IKZF4: variants seen among roughly 807,000 people sequenced by gnomAD.
The protein encoded by IKZF4 is IKAROS family zinc finger 4, also known as zinc finger protein Eos.
In IKZF4, 11 loss-of-function variants were observed where a neutral mutation model predicts 47.7. The observed-to-expected ratio is 0.23, with a 90% CI of 0.15 to 0.38. The LOEUF (loss-of-function observed/expected upper bound fraction) is 0.38. IKZF4 is among the 10% of genes least tolerant of loss of function. IKZF4 has a pLI of 1.00. For missense variants in IKZF4, 557 were observed against 784.9 expected (o/e 0.71, Z 3.47); for synonymous variants, 298 against 299.4 (o/e 1.00, Z 0.05).
intron 7 of IKZF4, 110 bp from the exon 8 acceptor site, chr12:56,034,461 T>C: frequency 8.9e-7 from 1 of 1,127,804 alleles, no homozygotes; most frequent in African/African-American, 1.5e-5. Context: ...AAATGCCACG[T>C]AGTAAATAAT....
intron 2 of IKZF4, among the ~76,000 whole-genome samples, chr12:56,015,516 C>T (rs1891919816): frequency 6.6e-6 from 1 of 152,068 alleles, no homozygotes; most frequent in Non-Finnish European, 1.5e-5. Context: ...GCCTCAGCCT[C>T]CCGAGTAGAT....
intron 2 of IKZF4, among the ~76,000 whole-genome samples, chr12:56,015,976 A>C (rs912478673): frequency 6.6e-6 from 1 of 152,162 alleles, no homozygotes; most frequent in African/African-American, 2.4e-5. Context: ...TGTCAAGAAA[A>C]GAGGGTTAAT....
chr12:56,020,880 G>C (rs1892782802), upstream of IKZF4: 1 of 971,496 alleles, frequency 1.0e-6, no homozygotes. Flanking sequence ...GTGGGGGAGG[G>C]GCTTTCTGCC....
At chr12:56,027,281 T>C (rs1317880332) in intron 4 of IKZF4, among the ~76,000 whole-genome samples, 1 of 152,154 alleles carries the variant, frequency 6.6e-6, no homozygotes, top group African/African-American at 2.4e-5. Context: ...CCTCAACCGC[T>C]GTTATAAAGA....
chr12:56,032,513 G>A (rs1895051759), intron 5 of IKZF4, 48 bp from the exon 6 acceptor site: 3 of 1,555,328 alleles, frequency 1.9e-6, no homozygotes, highest in African/African-American at 1.4e-5. Flanking sequence ...CAGAGCCAGG[G>A]CACAGCGAGA....
intron 5 of IKZF4, among the ~76,000 whole-genome samples, chr12:56,029,254 G>A (rs75975191): frequency 0.018 from 2,780 of 152,318 alleles, 38 homozygotes; most frequent in Non-Finnish European, 0.027. Context: ...CTGGGAAACT[G>A]GATTAACAAG....
chr12:56,021,242 C>T lies in IKZF4; in HGVS notation c.-252C>T. ...TTCTCTCCAGCCCCCTCCCCAAGCA[C>T]ATCCAAGCGTGCTCTCCCCTCTCCT... On this transcript the variant is annotated 5_prime_UTR_variant, in exon 1 of 8. Coordinates refer to ENST00000547167, the MANE Select transcript of IKZF4 (RefSeq NM_022465.4). 1 of 1,460,198 alleles carries T rather than the reference C, an allele frequency of 6.8e-7. No homozygotes were observed. Among genetic ancestry groups the T allele is most frequent in the Non-Finnish European group, 9.0e-7 (1 of 1,106,724 alleles). The allele number at this position is 1,460,198 out of a possible 1,614,324, so 90.5% of individuals were successfully genotyped here. A position where few individuals can be genotyped will look rare whatever the true frequency, so the allele number is the denominator to read the frequency against.
intron 1 of IKZF4, among the ~76,000 whole-genome samples, chr12:56,023,335 A>C (rs1186023111): frequency 6.6e-6 from 1 of 152,240 alleles, no homozygotes; most frequent in East Asian, 1.9e-4. Context: ...TAACATTTTC[A>C]GCCCTTTTAA....
chr12:56,028,458 G>A (rs754512851), intron 5 of IKZF4, among the ~76,000 whole-genome samples: 20 of 138,622 alleles, frequency 1.4e-4, no homozygotes, highest in Admixed American at 1.1e-3. Context: ...GCGTGAACCC[G>A]GGAGGCGGAG....
chr12:56,025,897 C>T (rs1592952770), intron 3 of IKZF4, among the ~76,000 whole-genome samples: 1 of 152,076 alleles, frequency 6.6e-6, no homozygotes, highest in African/African-American at 2.4e-5. Flanking sequence ...TCCCCTTAGT[C>T]GCCTCCTCTC....
chr12:56,025,586 T>C (rs1431987459), intron 3 of IKZF4, among the ~76,000 whole-genome samples: 1 of 152,150 alleles, frequency 6.6e-6, no homozygotes, highest in East Asian at 1.9e-4. Context: ...CTCTAAATGG[T>C]TGGAGTAGCC....
intron 1 of IKZF4, among the ~76,000 whole-genome samples, chr12:56,010,850 C>T (rs1279848833): frequency 6.6e-6 from 1 of 152,130 alleles, no homozygotes; most frequent in Non-Finnish European, 1.5e-5. Flanking sequence ...AGACCCTCCA[C>T]ATGAAGAAGA....
chr12:56,014,812 CAG>C (rs1175222951), intron 2 of IKZF4, among the ~76,000 whole-genome samples: 3 of 151,902 alleles, frequency 2.0e-5, no homozygotes, highest in Admixed American at 1.3e-4. Context: ...ACAAAAAAAA[CAG>C]GGAAAAGCAA....
intron 5 of IKZF4, chr12:56,032,284 A>C: frequency 5.3e-6 from 2 of 380,348 alleles, no homozygotes; most frequent in South Asian, 2.9e-5. Context: ...TCCTTTAAGC[A>C]ACAATTTGGC....
chr12:56,034,423 C>T (rs1383266607), intron 7 of IKZF4, 148 bp from the exon 8 acceptor site: 3 of 720,560 alleles, frequency 4.2e-6, no homozygotes, highest in East Asian at 2.7e-5. Flanking sequence ...AGGGAGCAGT[C>T]CCACAAAGGA....
Position 56,037,325 on chromosome 12 carries a change from T to C in IKZF4, c.*1994T>C, listed in dbSNP as rs1393615248. 1.3e-5 allele frequency: 2 copies of C among 152,530 alleles called. No individual in the cohort carries two copies. The highest frequency in any genetic ancestry group is 4.8e-5 in the African/African-American group (2 of 41,406). 9.4% of individuals were successfully genotyped at this position (152,530 alleles called of 1,614,324 possible). A position where few individuals can be genotyped will look rare whatever the true frequency, so the allele number is the denominator to read the frequency against. ...AATAGATGCTGCCAAGGGCAGAAAATGGGGAGGTTAGCTCAGAGCAGAGTA... is the reference window on the plus strand; with the variant it reads ...AATAGATGCTGCCAAGGGCAGAAAACGGGGAGGTTAGCTCAGAGCAGAGTA... On this transcript the variant is annotated 3_prime_UTR_variant, in exon 8 of 8. Coordinates refer to ENST00000547167, the MANE Select transcript of IKZF4 (RefSeq NM_022465.4).
intron 1 of IKZF4, chr12:56,011,240 CT>C (rs1337407553): frequency 6.6e-6 from 1 of 152,180 alleles, no homozygotes; most frequent in Non-Finnish European, 1.5e-5. Flanking sequence ...GAGAGCTATA[CT>C]TGGGGGTACA....
At chr12:56,020,860 A>G (rs1892778763), upstream of IKZF4, 1 of 892,966 alleles carries the variant, frequency 1.1e-6, no homozygotes, top group Admixed American at 6.2e-5. Context: ...AGGAGGAGGG[A>G]AAGAGTTCGG....
At chr12:56,017,800 C>T (rs944913345), upstream of IKZF4, among the ~76,000 whole-genome samples, 2 of 152,166 alleles carry the variant, frequency 1.3e-5, no homozygotes, top group Non-Finnish European at 2.9e-5. Context: ...AGTGATCCTC[C>T]CACCTCAGCC....
Sources: allele counts gnomAD v4.1 joint callset (sites outside exome capture counted in the v4.1 genomes callset), GRCh38; gene constraint gnomAD v4.1.1; transcripts MANE v1.5; gene names NCBI Gene and HGNC (gene_info 2026-07-23, HGNC 2026-07-21).